Variants in PCDHGB5 observed in about 807,000 individuals in gnomAD.
PCDHGB5 encodes the protein protocadherin gamma subfamily B, 5, also known as protocadherin gamma-B5.
In PCDHGB5, 48 loss-of-function variants were observed where a neutral mutation model predicts 62.9. That is an observed-to-expected ratio of 0.76 (90% confidence interval 0.61 to 0.97). The LOEUF (loss-of-function observed/expected upper bound fraction) is 0.97. PCDHGB5 is among the 50% of genes least tolerant of loss of function. The probability of loss-of-function intolerance (pLI) is 0.00; values close to 1 mark genes in which losing one functional copy is unlikely to be tolerated. For synonymous variants in PCDHGB5, 474 were observed against 511.2 expected (o/e 0.93, Z 0.98); for missense variants, 1,118 against 1,198.6 (o/e 0.93, Z 0.99).
intron 1 of PCDHGB5, among the ~76,000 whole-genome samples, chr5:141,433,948 T>C (rs1473404279): frequency 2.0e-5 from 3 of 152,234 alleles, no homozygotes; most frequent in Non-Finnish European, 4.4e-5. Context: ...CATTGTTTCT[T>C]CTACAGTTGT....
intron 1 of PCDHGB5, among the ~76,000 whole-genome samples, chr5:141,465,263 T>C (rs538393085): frequency 1.3e-5 from 2 of 152,326 alleles, no homozygotes; most frequent in African/African-American, 4.8e-5. Flanking sequence ...GCAATGATAC[T>C]AGCCATTTAG....
At chr5:141,414,233 T>A in intron 1 of PCDHGB5, 1 of 1,613,474 alleles carries the variant, frequency 6.2e-7, no homozygotes, top group Non-Finnish European at 8.5e-7. Flanking sequence ...GAGCTGACCA[T>A]CACGTCTCTA....
chr5:141,428,013 C>T, intron 1 of PCDHGB5: 4 of 1,603,660 alleles, frequency 2.5e-6, no homozygotes, highest in Non-Finnish European at 3.4e-6. Flanking sequence ...CGATATAGTG[C>T]CACGCGCCGC....
At position 141,486,121 on chromosome 5, in the gene PCDHGB5, T is replaced by C. The variant is rs371827617; in HGVS notation, c.2398-8686T>C. 5.6e-6 allele frequency: 9 copies of C among 1,614,086 alleles called. No individual in the cohort carries two copies. The highest frequency in any genetic ancestry group is 2.2e-5 in the South Asian group (2 of 91,082). ...TAGACTTTGAGAGTGAGAATTACTATGAATTTGATGTGCGGGCTCGCGATG... is the reference window on the plus strand; with the variant it reads ...TAGACTTTGAGAGTGAGAATTACTACGAATTTGATGTGCGGGCTCGCGATG... On this transcript the variant is annotated intron_variant, in intron 1 of 3. Coordinates refer to ENST00000617380, the MANE Select transcript of PCDHGB5 (RefSeq NM_018925.3). This position sits in a 1 kb window ranked among gnomAD's most constrained non-coding sequence, Gnocchi z 5.0.
At chr5:141,469,896 C>T (rs934040636) in intron 1 of PCDHGB5, among the ~76,000 whole-genome samples, 4 of 152,074 alleles carry the variant, frequency 2.6e-5, no homozygotes, top group Admixed American at 6.5e-5. Context: ...TTTGGGAAGC[C>T]GAGGCAGGCA....
At chr5:141,406,957 G>A (rs184355186) in intron 1 of PCDHGB5, among the ~76,000 whole-genome samples, 69 of 152,242 alleles carry the variant, frequency 4.5e-4, no homozygotes, top group African/African-American at 1.6e-3. Context: ...ACATAGTGTT[G>A]TTTCAAATAG....
Position 141,476,790 on chromosome 5 carries a change from C to T in PCDHGB5, c.2398-18017C>T. ...TTGGACGGAGGGACCCCAGCTCTCT[C>T]CGCCAGCCTGCCTATTCACATCAAG... On this transcript the variant is annotated intron_variant, in intron 1 of 3. Coordinates refer to ENST00000617380, the MANE Select transcript of PCDHGB5 (RefSeq NM_018925.3). This position sits in a 1 kb window ranked among gnomAD's most constrained non-coding sequence, Gnocchi z 7.6. 1 of 1,613,606 alleles carries T rather than the reference C, an allele frequency of 6.2e-7. No homozygotes were observed. Among genetic ancestry groups the T allele is most frequent in the South Asian group, 1.1e-5 (1 of 91,084 alleles).
Position 141,431,335 on chromosome 5 carries a change from C to G in PCDHGB5, c.2397+30811C>G, listed in dbSNP as rs747132346. On this transcript the variant is annotated intron_variant, in intron 1 of 3. Transcript: ENST00000617380. The surrounding 1 kb of genome is among the most constrained non-coding windows in gnomAD (Gnocchi z 4.8). ...ATGGAGCCGACGGTAGTAAGTACCC[C>G]GAATTGGTGCTGAAACGCGCCCTGG... 2 of 1,614,062 alleles carry G rather than the reference C, an allele frequency of 1.2e-6. No homozygotes were observed. Among genetic ancestry groups the G allele is most frequent in the Non-Finnish European group, 1.7e-6 (2 of 1,180,022 alleles).
chr5:141,403,080 A>G, intron 1 of PCDHGB5: 2 of 1,614,078 alleles, frequency 1.2e-6, no homozygotes, highest in Non-Finnish European at 1.7e-6. Flanking sequence ...GAAAAGGGCT[A>G]TATTGTGGGC....
chr5:141,403,598 G>A (rs2094431142), intron 1 of PCDHGB5: 1 of 1,613,702 alleles, frequency 6.2e-7, no homozygotes, highest in Non-Finnish European at 8.5e-7. Flanking sequence ...CACGGCCTCG[G>A]ATGGCGGCGA....
At chr5:141,402,796 A>C in intron 1 of PCDHGB5, 1 of 1,040,680 alleles carries the variant, frequency 9.6e-7, no homozygotes, top group South Asian at 2.0e-5. Flanking sequence ...GGCTACACAA[A>C]ACCCGGCAGA....
In PCDHGB5 at chr5:141,432,776, G is replaced by C. The variant is rs975435403; in HGVS notation, c.2397+32252G>C. 1.9e-6 allele frequency: 3 copies of C among 1,614,172 alleles called. No homozygotes were observed. In the African/African-American group the frequency reaches 4.0e-5, roughly 22 times the overall value. ...GGCCGACAGCATCCCCCAAGTCCTG[G>C]CGGACCTCGGCAGCCTCGAGTCTCC... On this transcript the variant is annotated intron_variant, in intron 1 of 3. Transcript: ENST00000617380. This position sits in a 1 kb window ranked among gnomAD's most constrained non-coding sequence, Gnocchi z 6.0.
At position 141,409,469 on chromosome 5, in the gene PCDHGB5, G is replaced by A. The variant is rs1477896340; in HGVS notation, c.2397+8945G>A. On this transcript the variant is annotated intron_variant, in intron 1 of 3. Coordinates refer to ENST00000617380, the MANE Select transcript of PCDHGB5 (RefSeq NM_018925.3). ...GACACCAGAATACAATGTCACCATC[G>A]TAGCCACTGACAGGGGCAAGCCGCC... 9 of 1,613,740 alleles carry A rather than the reference G, an allele frequency of 5.6e-6. No individual in the cohort carries two copies. The African/African-American group carries it at 1.1e-4, about 19-fold the overall frequency.
chr5:141,499,404 T>G (rs1468724077), intron 2 of PCDHGB5, among the ~76,000 whole-genome samples: 3 of 152,178 alleles, frequency 2.0e-5, no homozygotes, highest in African/African-American at 7.2e-5. Context: ...ACATGCTCAT[T>G]ATAGAAACAT....
chr5:141,502,679 T>C (rs943238781), intron 2 of PCDHGB5, among the ~76,000 whole-genome samples: 1 of 152,236 alleles, frequency 6.6e-6, no homozygotes, highest in Non-Finnish European at 1.5e-5. Flanking sequence ...TAGTATTCCC[T>C]GATGATCCTT....
In PCDHGB5 at chr5:141,409,485, G is replaced by A. The variant is rs374642418; in HGVS notation, c.2397+8961G>A. On this transcript the variant is annotated intron_variant, in intron 1 of 3. Coordinates refer to ENST00000617380, the MANE Select transcript of PCDHGB5 (RefSeq NM_018925.3). ...GTCACCATCGTAGCCACTGACAGGG[G>A]CAAGCCGCCTCTTTCTTCCAGTAGA... 9.9e-6 allele frequency: 16 copies of A among 1,613,856 alleles called. No homozygotes were observed. Among genetic ancestry groups the A allele is most frequent in the African/African-American group, 9.3e-5 (7 of 74,934 alleles).
chr5:141,468,847 C>T (rs2099182933), intron 1 of PCDHGB5, among the ~76,000 whole-genome samples: 1 of 151,986 alleles, frequency 6.6e-6, no homozygotes, highest in African/African-American at 2.4e-5. Flanking sequence ...GCCTGGGCAA[C>T]AGAGCGAGAC....
Position 141,489,585 on chromosome 5 carries a change from G to C in PCDHGB5, c.2398-5222G>C. The C allele has an allele frequency of 6.2e-7, 1 of 1,614,090 alleles. No individual in the cohort carries two copies. On this transcript the variant is annotated intron_variant, in intron 1 of 3. Transcript: ENST00000617380. This position sits in a 1 kb window ranked among gnomAD's most constrained non-coding sequence, Gnocchi z 4.5. ...AGGTGGTGACTGAACACCCCCTGGA[G>C]CTAATCCGTGTAGAGGTAGAGATCC...
At chr5:141,427,992 T>C in intron 1 of PCDHGB5, 1 of 1,599,002 alleles carries the variant, frequency 6.3e-7, no homozygotes, top group Non-Finnish European at 8.6e-7. Context: ...GCCCGATGGC[T>C]CCGCACTCTT....
Sources: allele counts gnomAD v4.1 joint callset (sites outside exome capture counted in the v4.1 genomes callset), GRCh38; gene constraint gnomAD v4.1.1; non-coding constraint Gnocchi (gnomAD v3.1); transcripts MANE v1.5; gene names NCBI Gene and HGNC (gene_info 2026-07-23, HGNC 2026-07-21).